CDK13: variants seen among roughly 807,000 people sequenced by gnomAD.
CDK13 encodes cyclin dependent kinase 13, also known as cyclin-dependent kinase 13.
Under a neutral mutation model 137.6 loss-of-function variants are expected in CDK13, and 40 were observed. The ratio of observed to expected loss-of-function variants is 0.29; its 90% CI spans 0.23 to 0.38. The LOEUF is 0.38. Ranked by LOEUF, CDK13 falls within the 10% of genes least tolerant of loss-of-function variation. The probability of loss-of-function intolerance (pLI) is 1.00; values close to 1 mark genes in which losing one functional copy is unlikely to be tolerated. For missense variants in CDK13, 1,704 were observed against 1,951.8 expected (o/e 0.87, Z 2.39); for synonymous variants, 869 against 760.1 (o/e 1.14, Z -2.36).
At chr7:39,989,944 G>A (rs1034647572) in intron 2 of CDK13, among the ~76,000 whole-genome samples, 16 of 151,676 alleles carry the variant, frequency 1.1e-4, no homozygotes, top group East Asian at 1.9e-4. Context: ...CACCAAGCCC[G>A]GCTAATTTTT....
chr7:40,094,155 A>C lies in CDK13; in HGVS notation c.3714A>C (p.Gln1238His). The C allele has an allele frequency of 6.2e-7, 1 of 1,613,954 alleles. No individual in the cohort carries two copies. Among genetic ancestry groups the C allele is most frequent in the Non-Finnish European group, 8.5e-7 (1 of 1,179,982 alleles). The change falls in exon 14 of 14, where the codon CAA becomes CAC. Residue 1238 changes from glutamine (Q) to histidine (H), a missense_variant. Physicochemically the swap from Gln to His is conservative, Grantham distance 24. This residue lies in a region of CDK13 where 475 missense variants were observed against 579.3 expected (regional missense o/e 0.82). Coordinates refer to ENST00000181839, the MANE Select transcript of CDK13 (RefSeq NM_003718.5). Reference protein sequence around the residue: ...VSGQDDLIQHQDMRILELTPE... With the variant: ...VSGQDDLIQHHDMRILELTPE... ...GACAAGATGACCTCATCCAGCATCA[A>C]GATATGAGGATCTTGGAGCTAACGC...
intron 1 of CDK13, 116 bp from the exon 2 acceptor site, chr7:39,987,483 C>G: frequency 1.1e-6 from 1 of 895,760 alleles, no homozygotes; most frequent in Non-Finnish European, 1.6e-6. Context: ...AAAAATGTAA[C>G]TTTGAAATTA....
At chr7:39,970,618 G>A (rs1783978068) in intron 1 of CDK13, among the ~76,000 whole-genome samples, 1 of 151,880 alleles carries the variant, frequency 6.6e-6, no homozygotes, top group African/African-American at 2.4e-5. Context: ...GTGCCACCAC[G>A]CCCAGCTAAT....
chr7:40,096,848 T>C lies in CDK13; in HGVS notation c.*1868T>C, dbSNP rs575337852. The C allele has an allele frequency of 3.9e-5, 6 of 152,292 alleles. No homozygotes were observed. Among genetic ancestry groups the C allele is most frequent in the South Asian group, 4.1e-4 (2 of 4,834 alleles). 9.4% of individuals were successfully genotyped at this position (152,292 alleles called of 1,614,324 possible). A position where few individuals can be genotyped will look rare whatever the true frequency, so the allele number is the denominator to read the frequency against. On this transcript the variant is annotated 3_prime_UTR_variant, in exon 14 of 14. Coordinates refer to ENST00000181839, the MANE Select transcript of CDK13 (RefSeq NM_003718.5). ...AAGAAATGAATGGAAGAAAAAAATA[T>C]GTTGCTTTTATTTGAATATTGATTA...
At chr7:40,075,682 C>G (rs1786530952) in intron 9 of CDK13, among the ~76,000 whole-genome samples, 1 of 152,104 alleles carries the variant, frequency 6.6e-6, no homozygotes, top group African/African-American at 2.4e-5. Flanking sequence ...CTTTTAAATT[C>G]TGTCTTCATT....
chr7:40,046,058 G>A (rs780979561), intron 6 of CDK13, 33 bp downstream of exon 6: 2 of 1,295,454 alleles, frequency 1.5e-6, no homozygotes, highest in Non-Finnish European at 2.2e-6. Context: ...TATTTAAAAT[G>A]AGTTTTACCA....
chr7:40,029,053 A>G (rs910173700), intron 5 of CDK13, among the ~76,000 whole-genome samples: 1 of 151,932 alleles, frequency 6.6e-6, no homozygotes, highest in African/African-American at 2.4e-5. Context: ...TAAAATAAAT[A>G]TATTGGAAAA....
At chr7:40,008,344 C>T (rs2116354105) in intron 5 of CDK13, among the ~76,000 whole-genome samples, 1 of 152,320 alleles carries the variant, frequency 6.6e-6, no homozygotes, top group Non-Finnish European at 1.5e-5. Flanking sequence ...AGTTACAGAA[C>T]ATTTTCATCA....
chr7:40,032,754 T>G (rs1785406851), intron 5 of CDK13, among the ~76,000 whole-genome samples: 1 of 151,718 alleles, frequency 6.6e-6, no homozygotes, highest in Non-Finnish European at 1.5e-5. Context: ...CTAGTTATGT[T>G]TTTTTTTTCC....
chr7:40,017,130 C>T (rs1317343079), intron 5 of CDK13, among the ~76,000 whole-genome samples: 4 of 151,998 alleles, frequency 2.6e-5, no homozygotes, highest in Non-Finnish European at 1.5e-5. Flanking sequence ...ATGATATAGC[C>T]ACTTAAAAAA....
intron 11 of CDK13, among the ~76,000 whole-genome samples, chr7:40,081,975 AAG>A (rs1346425000): frequency 4.6e-5 from 7 of 152,196 alleles, no homozygotes; most frequent in Non-Finnish European, 1.0e-4. Context: ...AACCTAATGA[AAG>A]AGAGGGCTGA....
intron 9 of CDK13, among the ~76,000 whole-genome samples, chr7:40,075,221 A>G (rs758696): frequency 0.086 from 13,074 of 152,242 alleles, 967 homozygotes; most frequent in East Asian, 0.33. Flanking sequence ...GGGATTTAGC[A>G]TATACCTTAG....
intron 1 of CDK13, chr7:39,952,149 TCA>T (rs1347727244): frequency 6.6e-6 from 2 of 301,192 alleles, no homozygotes; most frequent in Non-Finnish European, 1.2e-5. Context: ...CAGGTTTCTC[TCA>T]GTTGCTCTTT....
chr7:39,951,786 T>C lies in CDK13; in HGVS notation c.1145T>C (p.Val382Ala). ...AGCTCCTACGAGCGGGGCGGCGACG[T>C]GTCCCCTAGTCCCTACAGCAGCAGC... ...RHSSYERGGD[V>A]SPSPYSSSSW... The change falls in exon 1 of 14, where the codon GTG (valine) becomes GCG (alanine). Residue 382 changes from valine (V) to alanine (A), a missense_variant. Val to Ala is a moderately conservative substitution (Grantham distance 64). This residue lies in a region of CDK13 where 1,051 missense variants were observed against 931.0 expected (regional missense o/e 1.13). Coordinates refer to ENST00000181839, the MANE Select transcript of CDK13 (RefSeq NM_003718.5). 6.8e-7 allele frequency: 1 copy of C among 1,475,988 alleles called. No homozygotes were observed. The highest frequency in any genetic ancestry group is 8.9e-7 in the Non-Finnish European group (1 of 1,125,716). The allele number at this position is 1,475,988 out of a possible 1,614,324, so 91.4% of individuals were successfully genotyped here. A position where few individuals can be genotyped will look rare whatever the true frequency, so the allele number is the denominator to read the frequency against.
chr7:40,059,570 G>A (rs939181279), intron 7 of CDK13, among the ~76,000 whole-genome samples: 1 of 152,118 alleles, frequency 6.6e-6, no homozygotes, highest in African/African-American at 2.4e-5. Context: ...TCTTGGCCAG[G>A]CTGGTCTTGA....
chr7:40,049,641 G>T (rs536925682), intron 7 of CDK13, among the ~76,000 whole-genome samples: 23 of 152,138 alleles, frequency 1.5e-4, no homozygotes, highest in African/African-American at 5.5e-4. Flanking sequence ...AGAATACATT[G>T]TTATTAAGTG....
chr7:39,973,096 T>G (rs1784034234), intron 1 of CDK13, among the ~76,000 whole-genome samples: 1 of 152,188 alleles, frequency 6.6e-6, no homozygotes, highest in African/African-American at 2.4e-5. Flanking sequence ...GCCAAAATCT[T>G]TTTTTGAGAA....
At chr7:39,953,820 T>G (rs569407550) in intron 1 of CDK13, among the ~76,000 whole-genome samples, 1 of 152,306 alleles carries the variant, frequency 6.6e-6, no homozygotes, top group East Asian at 1.9e-4. Context: ...GTGCCTGAAA[T>G]ACATCTAGAG....
intron 2 of CDK13, among the ~76,000 whole-genome samples, chr7:39,996,755 G>C (rs1345015622): frequency 6.6e-6 from 1 of 151,894 alleles, no homozygotes; most frequent in Non-Finnish European, 1.5e-5. Flanking sequence ...TTGAGGTTGG[G>C]AGTTCAAGAC....
Sources: gnomAD v4.1 joint callset for allele counts (sites outside exome capture counted in the v4.1 genomes callset) on GRCh38, gnomAD v4.1.1 for gene constraint, gnomAD v4.1.1 regional missense constraint, MANE v1.5 for transcripts, NCBI Gene and HGNC (gene_info 2026-07-23, HGNC 2026-07-21) for gene names.